The following UVRAG variants were observed in gnomAD, a reference collection of about 807,000 sequenced individuals.
The protein encoded by UVRAG is UV radiation resistance-associated gene protein.
Under a neutral mutation model 78.0 loss-of-function variants are expected in UVRAG, and 19 were observed. That is an observed-to-expected ratio of 0.24 (90% CI 0.17 to 0.36). The LOEUF (loss-of-function observed/expected upper bound fraction) is 0.36. Among genes scored for constraint, UVRAG ranks in the 10% least tolerant of loss-of-function variants. The pLI, the probability that UVRAG is intolerant of heterozygous loss-of-function variation, is 1.00. For missense variants in UVRAG, 740 were observed against 853.8 expected (o/e 0.87, Z 1.66); for synonymous variants, 323 against 324.6 (o/e 1.00, Z 0.05).
At chr11:75,988,275 CT>C (rs1223842765) in intron 8 of UVRAG, among the ~76,000 whole-genome samples, 1 of 152,178 alleles carries the variant, frequency 6.6e-6, no homozygotes, top group East Asian at 1.9e-4. Context: ...GTAGTCAGTT[CT>C]TTCCTCCATC....
intron 6 of UVRAG, among the ~76,000 whole-genome samples, chr11:75,933,849 A>C (rs1948297156): frequency 6.6e-6 from 1 of 152,212 alleles, no homozygotes; most frequent in African/African-American, 2.4e-5. Flanking sequence ...GATAGGCAAT[A>C]ACAAATACTG....
chr11:76,071,367 T>C (rs1951304902), intron 13 of UVRAG, among the ~76,000 whole-genome samples: 1 of 152,134 alleles, frequency 6.6e-6, no homozygotes, highest in South Asian at 2.1e-4. Flanking sequence ...AAGAGCTATG[T>C]TGAGGTAACA....
At chr11:76,072,254 G>A (rs1951325708) in intron 13 of UVRAG, among the ~76,000 whole-genome samples, 1 of 152,104 alleles carries the variant, frequency 6.6e-6, no homozygotes, top group Admixed American at 6.6e-5. Flanking sequence ...GTAGTAATTT[G>A]GAAACTAAGA....
intron 1 of UVRAG, among the ~76,000 whole-genome samples, chr11:75,838,656 A>T (rs1470415649): frequency 6.6e-6 from 1 of 152,114 alleles, no homozygotes; most frequent in Non-Finnish European, 1.5e-5. Context: ...CCCAGCCTGC[A>T]TTTGTAATTT....
chr11:75,899,468 T>C (rs774772653), intron 5 of UVRAG, among the ~76,000 whole-genome samples: 8 of 152,138 alleles, frequency 5.3e-5, no homozygotes, highest in Non-Finnish European at 7.3e-5. Flanking sequence ...CCCCATGAGG[T>C]AGTTCTCCTG....
Position 76,004,021 on chromosome 11 carries a change from T to C in UVRAG, c.843T>C (p.Ala281=), listed in dbSNP as rs779188349. 3 of 1,613,898 alleles carry C rather than the reference T, an allele frequency of 1.9e-6. No individual in the cohort carries two copies. The highest frequency in any genetic ancestry group is 1.3e-5 in the African/African-American group (1 of 74,938). Residue 281 remains alanine (A), a synonymous_variant, in exon 9 of 15, where the codon GCT becomes GCC. Transcript: ENST00000356136. The part of the protein sequence containing the change: ...ALQDKGSAFS[A]EHLKLQLQKE... ...TCTTTCTAGGAAGTGCATTTTCAGCTGAGCACCTCAAACTTCAACTCCAGA... is the reference window on the plus strand; with the variant it reads ...TCTTTCTAGGAAGTGCATTTTCAGCCGAGCACCTCAAACTTCAACTCCAGA...
At chr11:76,001,240 C>A (rs567844916) in intron 8 of UVRAG, among the ~76,000 whole-genome samples, 1 of 151,938 alleles carries the variant, frequency 6.6e-6, no homozygotes, top group African/African-American at 2.4e-5. Context: ...TCATAAACCA[C>A]GGGTCAAAGA....
chr11:75,913,339 AT>A (rs1666510436), intron 6 of UVRAG, among the ~76,000 whole-genome samples: 1 of 152,222 alleles, frequency 6.6e-6, no homozygotes, highest in Non-Finnish European at 1.5e-5. Context: ...CTGAAAGAGG[AT>A]AGTTTCCAGG....
At chr11:76,002,161 A>C (rs1445305966) in intron 8 of UVRAG, among the ~76,000 whole-genome samples, 1 of 152,140 alleles carries the variant, frequency 6.6e-6, no homozygotes, top group Non-Finnish European at 1.5e-5. Flanking sequence ...ACTTATTTTG[A>C]AGTGACTTTT....
chr11:76,119,475 G>T (rs969939079), intron 14 of UVRAG, among the ~76,000 whole-genome samples: 1 of 152,032 alleles, frequency 6.6e-6, no homozygotes, highest in Non-Finnish European at 1.5e-5. Context: ...GATAGCCAGG[G>T]GCCTACTTGA....
chr11:76,085,056 CCT>C lies in UVRAG; in HGVS notation c.1305+19269_1305+19270del, dbSNP rs566526053. Among the ~76,000 whole-genome samples the C allele has an allele frequency of 2.3e-3, 317 of 136,362 alleles. 3 individuals are homozygous for C. The highest frequency in any genetic ancestry group is 9.3e-3 in the African/African-American group (309 of 33,202). 89.5% of individuals were successfully genotyped at this position (136,362 alleles called of 152,430 possible). On this transcript the variant is annotated intron_variant, in intron 13 of 14. Transcript: ENST00000356136. ...TCCAGCCTGGGGGACAGAGCGAGAC[CCT>C]GTCTCAAAAAAAAAAAAAAAAAAAA...
chr11:75,992,503 A>C (rs1949628095), intron 8 of UVRAG, among the ~76,000 whole-genome samples: 1 of 152,192 alleles, frequency 6.6e-6, no homozygotes, highest in Non-Finnish European at 1.5e-5. Flanking sequence ...TAACATAAGT[A>C]GGAGAAAGAG....
intron 1 of UVRAG, among the ~76,000 whole-genome samples, chr11:75,838,496 C>A (rs1285516083): frequency 6.6e-6 from 1 of 151,958 alleles, no homozygotes; most frequent in Non-Finnish European, 1.5e-5. Context: ...CACCACCACA[C>A]CCAGCTAATT....
Position 75,972,859 on chromosome 11 carries a change from T to G in UVRAG, c.700-10528T>G, listed in dbSNP as rs114038209. 7.5e-3 allele frequency among the ~76,000 whole-genome samples: 1,137 copies of G among 152,348 alleles called. 14 individuals carry two copies. The highest frequency in any genetic ancestry group is 0.026 in the African/African-American group (1,078 of 41,596). On this transcript the variant is annotated intron_variant, in intron 7 of 14. Transcript: ENST00000356136. ...TGTTACACAGGAAGACATCTAACTTTTTATACTTATTAATTCTATATTCTG... is the reference window on the plus strand; with the variant it reads ...TGTTACACAGGAAGACATCTAACTTGTTATACTTATTAATTCTATATTCTG...
intron 12 of UVRAG, among the ~76,000 whole-genome samples, chr11:76,023,588 G>C (rs1950283258): frequency 6.6e-6 from 1 of 152,092 alleles, no homozygotes; most frequent in Non-Finnish European, 1.5e-5. Context: ...CACCAGACAA[G>C]TTAGAACAGA....
At position 76,073,357 on chromosome 11, in the gene UVRAG, A is replaced by G. The variant is rs534642560; in HGVS notation, c.1305+7569A>G. ...TGACTGACAAATTATGGTTATTTAG[A>G]CTTAAGTATTTGGCAAACATTTTCT... On this transcript the variant is annotated intron_variant, in intron 13 of 14. Coordinates refer to ENST00000356136, the MANE Select transcript of UVRAG (RefSeq NM_003369.4). Among the ~76,000 whole-genome samples the G allele has an allele frequency of 6.6e-5, 10 of 152,242 alleles. No individual in the cohort carries two copies. The East Asian group carries it at 1.7e-3, about 26-fold the overall frequency.
At chr11:75,959,660 A>C (rs915580251) in intron 6 of UVRAG, among the ~76,000 whole-genome samples, 2 of 152,228 alleles carry the variant, frequency 1.3e-5, no homozygotes, top group African/African-American at 4.8e-5. Flanking sequence ...CTGGAGTAGC[A>C]CTTTTAATTT....
At chr11:75,918,409 T>G (rs1947907324) in intron 6 of UVRAG, among the ~76,000 whole-genome samples, 1 of 151,902 alleles carries the variant, frequency 6.6e-6, no homozygotes, top group Admixed American at 6.6e-5. Context: ...ACATGAATTT[T>G]CTTACTCGCT....
chr11:75,948,474 A>C (rs554675458), intron 6 of UVRAG, among the ~76,000 whole-genome samples: 1 of 152,182 alleles, frequency 6.6e-6, no homozygotes, highest in Non-Finnish European at 1.5e-5. Flanking sequence ...TGAGTGAGGG[A>C]AAAGGCAGCA....
Sources: allele counts gnomAD v4.1 joint callset (sites outside exome capture counted in the v4.1 genomes callset), GRCh38; gene constraint gnomAD v4.1.1; transcripts MANE v1.5; gene names NCBI Gene and HGNC (gene_info 2026-07-23, HGNC 2026-07-21).